FNIP1: variants seen among roughly 807,000 people sequenced by gnomAD.
FNIP1 encodes folliculin-interacting protein 1.
A neutral mutation model predicts 124.5 loss-of-function variants in FNIP1; 40 were observed. The observed-to-expected ratio is 0.32, with a 90% confidence interval of 0.25 to 0.42. The LOEUF (loss-of-function observed/expected upper bound fraction) is 0.42, where lower values mean the gene tolerates loss of function less well. Among genes scored for constraint, FNIP1 ranks in the 10% least tolerant of loss-of-function variants. The pLI is 1.00. For missense variants in FNIP1, 1,176 were observed against 1,403.7 expected, an observed-to-expected ratio of 0.84 and a Z score of 2.59; for synonymous variants, 472 against 470.6, an observed-to-expected ratio of 1.00 and a Z score of -0.04.
chr5:131,719,314 C>T lies in FNIP1; in HGVS notation c.455+3G>A. ...GTTAAAAAAAAATCAGAAAACCTCTCACCGAATCTGATGAATTTTTAAGGT... is the reference window on the plus strand; with the variant it reads ...GTTAAAAAAAAATCAGAAAACCTCTTACCGAATCTGATGAATTTTTAAGGT... On this transcript the variant is annotated splice_donor_region_variant and intron_variant, in intron 4 of 17. Transcript: ENST00000510461. 1 of 1,598,118 alleles carries T rather than the reference C, an allele frequency of 6.3e-7. No individual in the cohort carries two copies. Among genetic ancestry groups the T allele is most frequent in the Non-Finnish European group, 8.5e-7 (1 of 1,175,806 alleles).
chr5:131,670,504 A>ACTT lies in FNIP1; in HGVS notation c.3066_3067insAAG (p.Arg1022_Phe1023insLys). On this transcript the variant is annotated inframe_insertion, in exon 15 of 18. Coordinates refer to ENST00000510461, the MANE Select transcript of FNIP1 (RefSeq NM_133372.3). The stretch of plus-strand genomic sequence containing the variant: ...AAATCTGACATCAGACACTGACGGA[A>ACTT]CCTCTCATCACTCCCAATTCCTTGA... The ACTT allele has an allele frequency of 6.2e-7, 1 of 1,612,636 alleles. No individual in the cohort carries two copies. Among genetic ancestry groups the ACTT allele is most frequent in the Non-Finnish European group, 8.5e-7 (1 of 1,179,548 alleles).
At chr5:131,667,287 A>C (rs1413381531) in intron 15 of FNIP1, among the ~76,000 whole-genome samples, 2 of 152,222 alleles carry the variant, frequency 1.3e-5, no homozygotes, top group African/African-American at 2.4e-5. Flanking sequence ...CACTATATTC[A>C]GAACACAGTA....
chr5:131,653,122 T>G (rs1487120167), intron 15 of FNIP1, among the ~76,000 whole-genome samples: 3 of 152,190 alleles, frequency 2.0e-5, no homozygotes, highest in Non-Finnish European at 4.4e-5. Flanking sequence ...CTTTGCTGCC[T>G]ACATGAATTA....
chr5:131,722,598 G>A (rs1769704508), intron 3 of FNIP1, among the ~76,000 whole-genome samples: 1 of 152,146 alleles, frequency 6.6e-6, no homozygotes, highest in South Asian at 2.1e-4. Context: ...TTAGGGTTAA[G>A]ATAATCCACG....
rs146119126 is a variant in FNIP1 at position 131,656,652 on chromosome 5, T to C, written c.3109-4653A>G. 4.4e-3 allele frequency among the ~76,000 whole-genome samples: 669 copies of C among 150,914 alleles called. 12 individuals carry two copies. The highest frequency in any genetic ancestry group is 0.016 in the African/African-American group (651 of 40,222). The stretch of plus-strand genomic sequence containing the variant: ...AAAATATCAAGATAACAGCTTTTGC[T>C]GACCAAGAGGCAATACACAAGTTCT... On this transcript the variant is annotated intron_variant, in intron 15 of 17. Transcript: ENST00000510461.
intron 1 of FNIP1, among the ~76,000 whole-genome samples, chr5:131,785,520 A>C (rs1482900661): frequency 6.6e-6 from 1 of 151,386 alleles, no homozygotes; most frequent in East Asian, 1.9e-4. Context: ...GCATCACTGC[A>C]CTCCAGCTTG....
At chr5:131,795,081 T>C (rs1291573315) in intron 1 of FNIP1, among the ~76,000 whole-genome samples, 3 of 152,246 alleles carry the variant, frequency 2.0e-5, no homozygotes, top group Non-Finnish European at 2.9e-5. Flanking sequence ...TTAACCAGAA[T>C]GGTTTTTTTT....
intron 1 of FNIP1, among the ~76,000 whole-genome samples, chr5:131,792,356 TC>T (rs1458453893): frequency 2.0e-5 from 3 of 152,152 alleles, no homozygotes; most frequent in Non-Finnish European, 4.4e-5. Context: ...AGATGGGGTT[TC>T]ACCACATTGG....
At chr5:131,679,799 A>T (rs945059743) in intron 11 of FNIP1, among the ~76,000 whole-genome samples, 24 of 152,350 alleles carry the variant, frequency 1.6e-4, no homozygotes, top group African/African-American at 5.5e-4. Flanking sequence ...CTCTTGGACT[A>T]ATTTAGACAA....
chr5:131,776,394 A>G lies in FNIP1; in HGVS notation c.92+20436T>C, dbSNP rs370629221. On this transcript the variant is annotated intron_variant, in intron 1 of 17. Coordinates refer to ENST00000510461, the MANE Select transcript of FNIP1 (RefSeq NM_133372.3). ...AAATGCTGAAGAGAAACTATCAGCT[A>G]AAGTATTCAGCATCTGTCCACCGAA... Among the ~76,000 whole-genome samples, 6 of 152,358 alleles carry G rather than the reference A, an allele frequency of 3.9e-5. No individual in the cohort carries two copies. In the South Asian group the frequency reaches 1.0e-3, roughly 26 times the overall value.
At chr5:131,708,604 C>T (rs1425498544) in intron 8 of FNIP1, among the ~76,000 whole-genome samples, 1 of 152,098 alleles carries the variant, frequency 6.6e-6, no homozygotes. Context: ...AAGCTTTTTG[C>T]GCAGGCCTAT....
chr5:131,748,693 T>C (rs1159469472), intron 1 of FNIP1, among the ~76,000 whole-genome samples: 30 of 83,480 alleles, frequency 3.6e-4, no homozygotes, highest in African/African-American at 9.2e-4. Context: ...TGAGACTCTG[T>C]CTCAAAAAAA....
Position 131,673,546 on chromosome 5 carries a change from C to G in FNIP1, c.1520-622G>C, listed in dbSNP as rs1165224721. On this transcript the variant is annotated intron_variant, in intron 13 of 17. Transcript: ENST00000510461. ...TCCCAAGAATATTCTCTAACCCAGG[C>G]TCCATGCAGAGCATTTTTACCTTGT... Among the ~76,000 whole-genome samples the G allele has an allele frequency of 2.6e-5, 4 of 152,216 alleles. No individual in the cohort carries two copies. The East Asian group carries it at 7.7e-4, about 29-fold the overall frequency.
At position 131,696,595 on chromosome 5, in the gene FNIP1, T is replaced by C. The variant is rs558334510; in HGVS notation, c.1202+2322A>G. 3.9e-5 allele frequency among the ~76,000 whole-genome samples: 6 copies of C among 152,248 alleles called. No homozygotes were observed. The South Asian group carries it at 6.2e-4, about 16-fold the overall frequency. ...ATTTATAAAGCTAAATCTAACGTTA[T>C]AGATATTTTTACAATAAAAATATTA... On this transcript the variant is annotated intron_variant, in intron 11 of 17. Transcript: ENST00000510461.
chr5:131,645,319 A>C (rs1350010115), intron 17 of FNIP1, among the ~76,000 whole-genome samples: 2 of 151,910 alleles, frequency 1.3e-5, no homozygotes, highest in African/African-American at 4.8e-5. Context: ...CAAAAAAAAA[A>C]AAAAACAAAG....
intron 1 of FNIP1, among the ~76,000 whole-genome samples, chr5:131,780,433 G>A (rs895381843): frequency 5.9e-5 from 9 of 151,754 alleles, no homozygotes; most frequent in African/African-American, 1.9e-4. Context: ...ATTGAACTCC[G>A]CTTTATTGCA....
chr5:131,693,648 A>G (rs1768592156), intron 11 of FNIP1, among the ~76,000 whole-genome samples: 1 of 151,980 alleles, frequency 6.6e-6, no homozygotes, highest in Admixed American at 6.6e-5. Flanking sequence ...CACTGGAGAT[A>G]ATCTAAATGA....
intron 1 of FNIP1, among the ~76,000 whole-genome samples, chr5:131,780,958 T>C (rs1771976360): frequency 6.6e-6 from 1 of 152,210 alleles, no homozygotes; most frequent in Non-Finnish European, 1.5e-5. Flanking sequence ...ACAGGCCTCT[T>C]GCACCAGTTA....
chr5:131,727,836 A>G (rs1769937813), intron 3 of FNIP1, among the ~76,000 whole-genome samples: 1 of 152,164 alleles, frequency 6.6e-6, no homozygotes, highest in Admixed American at 6.5e-5. Flanking sequence ...TGCCATATTT[A>G]GTGCTTCCTT....
Sources: gnomAD v4.1 joint callset for allele counts (sites outside exome capture counted in the v4.1 genomes callset) on GRCh38, gnomAD v4.1.1 for gene constraint, MANE v1.5 for transcripts, NCBI Gene and HGNC (gene_info 2026-07-23, HGNC 2026-07-21) for gene names.